The following MALT1 variants were observed in gnomAD, a reference collection of about 807,000 sequenced individuals.
MALT1 encodes the protein mucosa-associated lymphoid tissue lymphoma translocation protein 1.
A neutral mutation model predicts 85.5 loss-of-function variants in MALT1; 36 were observed. That is an observed-to-expected ratio of 0.42 (90% CI 0.32 to 0.56). MALT1 has a LOEUF of 0.56. Among genes scored for constraint, MALT1 ranks in the 20% least tolerant of loss-of-function variants. The probability of loss-of-function intolerance (pLI) is 0.10; values close to 1 mark genes in which losing one functional copy is unlikely to be tolerated. For missense variants in MALT1, 716 were observed against 981.6 expected, an observed-to-expected ratio of 0.73 and a Z score of 3.62; for synonymous variants, 359 against 361.3, an observed-to-expected ratio of 0.99 and a Z score of 0.07.
intron 9 of MALT1, among the ~76,000 whole-genome samples, chr18:58,720,580 C>T (rs1224306635): frequency 6.6e-6 from 1 of 152,208 alleles, no homozygotes; most frequent in Non-Finnish European, 1.5e-5. Context: ...GTAGTTCTCA[C>T]ACTGTTGAAC....
At chr18:58,683,848 A>G (rs1335369424) in intron 2 of MALT1, among the ~76,000 whole-genome samples, 1 of 152,180 alleles carries the variant, frequency 6.6e-6, no homozygotes, top group Non-Finnish European at 1.5e-5. Flanking sequence ...TAGGAAAGGA[A>G]AGCAGTTTAT....
chr18:58,715,538 G>A (rs1290547492), intron 8 of MALT1, among the ~76,000 whole-genome samples: 3 of 152,148 alleles, frequency 2.0e-5, no homozygotes, highest in African/African-American at 7.2e-5. Context: ...GAATCCAGAA[G>A]GAGACTCCCT....
At chr18:58,678,169 AAAT>A (rs974010351) in intron 1 of MALT1, among the ~76,000 whole-genome samples, 9 of 152,200 alleles carry the variant, frequency 5.9e-5, no homozygotes, top group African/African-American at 1.9e-4. Context: ...TTTCCATATG[AAAT>A]AATCAACATT....
intron 16 of MALT1, 86 bp downstream of exon 16, chr18:58,745,877 CTTATTA>C (rs1213412379): frequency 8.1e-7 from 1 of 1,234,508 alleles, no homozygotes; most frequent in Non-Finnish European, 1.1e-6. Context: ...GATATGCTGC[CTTATTA>C]TTAAAGTAGA....
intron 1 of MALT1, among the ~76,000 whole-genome samples, chr18:58,675,819 T>C (rs1196234922): frequency 1.3e-5 from 2 of 152,218 alleles, no homozygotes; most frequent in Non-Finnish European, 2.9e-5. Context: ...TTTGAACTCC[T>C]AGATTCACGT....
At chr18:58,739,942 G>A (rs1325257427) in intron 13 of MALT1, among the ~76,000 whole-genome samples, 2 of 152,178 alleles carry the variant, frequency 1.3e-5, no homozygotes, top group Admixed American at 1.3e-4. Flanking sequence ...ATTATGATCT[G>A]TTCCCTAATG....
At chr18:58,705,117 T>C (rs969706006) in intron 4 of MALT1, among the ~76,000 whole-genome samples, 3 of 152,182 alleles carry the variant, frequency 2.0e-5, no homozygotes, top group Admixed American at 6.5e-5. Context: ...TATTTTTTAG[T>C]GGCTGTTTTA....
chr18:58,677,374 T>G (rs1008771474), intron 1 of MALT1, among the ~76,000 whole-genome samples: 1 of 152,190 alleles, frequency 6.6e-6, no homozygotes, highest in African/African-American at 2.4e-5. Context: ...ATGAGATGGC[T>G]TCTTAATTTC....
chr18:58,740,146 T>C (rs1181354094), intron 13 of MALT1, among the ~76,000 whole-genome samples: 2 of 152,234 alleles, frequency 1.3e-5, no homozygotes, highest in African/African-American at 4.8e-5. Flanking sequence ...GTTGCTCATA[T>C]TTCTAATAGT....
At chr18:58,711,404 T>C (rs540869373) in intron 7 of MALT1, among the ~76,000 whole-genome samples, 4 of 152,236 alleles carry the variant, frequency 2.6e-5, no homozygotes, top group Non-Finnish European at 5.9e-5. Flanking sequence ...AGGAGATTTA[T>C]TGTTTAACAT....
intron 16 of MALT1, among the ~76,000 whole-genome samples, chr18:58,746,220 A>G (rs754017050): frequency 1.3e-5 from 2 of 152,042 alleles, no homozygotes; most frequent in Non-Finnish European, 2.9e-5. Flanking sequence ...GGATCTCACT[A>G]TATTGCCCAG....
At chr18:58,695,033 A>G (rs1372920355) in intron 2 of MALT1, among the ~76,000 whole-genome samples, 4 of 152,092 alleles carry the variant, frequency 2.6e-5, no homozygotes, top group African/African-American at 9.7e-5. Context: ...TGTTCTTGTG[A>G]TAGTGAATAA....
intron 2 of MALT1, among the ~76,000 whole-genome samples, chr18:58,695,376 T>C (rs1439253159): frequency 1.3e-5 from 2 of 152,222 alleles, no homozygotes; most frequent in African/African-American, 4.8e-5. Context: ...TGTTCCATTA[T>C]TGACTAGGAT....
At chr18:58,744,525 T>G in intron 15 of MALT1, 30 bp downstream of exon 15, 1 of 1,474,516 alleles carries the variant, frequency 6.8e-7, no homozygotes, top group Non-Finnish European at 9.2e-7. Flanking sequence ...TAAAATACAG[T>G]GATATATTCT....
chr18:58,743,725 T>G (rs62093491), intron 14 of MALT1, among the ~76,000 whole-genome samples: 15,604 of 152,198 alleles, frequency 0.1, 1,059 homozygotes, highest in Admixed American at 0.16. Context: ...ATGTAAGTAA[T>G]TAAGGAATAA....
At chr18:58,701,171 T>G (rs985974300) in intron 4 of MALT1, among the ~76,000 whole-genome samples, 1 of 152,034 alleles carries the variant, frequency 6.6e-6, no homozygotes, top group Non-Finnish European at 1.5e-5. Flanking sequence ...GCAGATACTT[T>G]AGGATGACAT....
intron 4 of MALT1, among the ~76,000 whole-genome samples, chr18:58,707,428 AT>A (rs1270259245): frequency 2.0e-5 from 3 of 150,758 alleles, no homozygotes; most frequent in East Asian, 1.9e-4. Context: ...ACATTAGAAA[AT>A]TTTTTTTTAA....
chr18:58,699,440 A>G (rs535695830), intron 3 of MALT1, among the ~76,000 whole-genome samples: 1 of 152,282 alleles, frequency 6.6e-6, no homozygotes, highest in Non-Finnish European at 1.5e-5. Context: ...TAGGTACTGA[A>G]AGGGGAGAGA....
intron 2 of MALT1, among the ~76,000 whole-genome samples, chr18:58,691,864 C>T (rs2054506508): frequency 7.1e-6 from 1 of 140,072 alleles, no homozygotes; most frequent in African/African-American, 2.8e-5. Flanking sequence ...CAGAGCGAGA[C>T]TCCGTCTCAA....
Sources: allele counts gnomAD v4.1 joint callset (sites outside exome capture counted in the v4.1 genomes callset), GRCh38; gene constraint gnomAD v4.1.1; transcripts MANE v1.5; gene names NCBI Gene and HGNC (gene_info 2026-07-23, HGNC 2026-07-21).